Variants in CDH13 observed in about 807,000 individuals in gnomAD.
The protein encoded by CDH13 is cadherin-13.
A neutral mutation model predicts 63.8 loss-of-function variants in CDH13; 24 were observed. The ratio of observed to expected loss-of-function variants is 0.38; its 90% confidence interval spans 0.27 to 0.53. CDH13 has a LOEUF of 0.53. CDH13 is among the 20% of genes least tolerant of loss of function. The probability of loss-of-function intolerance (pLI) is 0.85; values close to 1 mark genes in which losing one functional copy is unlikely to be tolerated. For synonymous variants in CDH13, 503 were observed against 355.3 expected (o/e 1.42, Z -4.67); for missense variants, 1,049 against 903.1 (o/e 1.16, Z -2.07).
chr16:82,857,516 G>A (rs1336444741), intron 1 of CDH13, among the ~76,000 whole-genome samples: 1 of 152,162 alleles, frequency 6.6e-6, no homozygotes, highest in Non-Finnish European at 1.5e-5. Context: ...ACCTTGCCCA[G>A]GAGAGAATCG....
At chr16:83,675,960 G>T (rs1366310938) in intron 9 of CDH13, among the ~76,000 whole-genome samples, 1 of 152,182 alleles carries the variant, frequency 6.6e-6, no homozygotes, top group Non-Finnish European at 1.5e-5. Flanking sequence ...CTGACACTGT[G>T]CTAGGTGCTG....
intron 1 of CDH13, among the ~76,000 whole-genome samples, chr16:82,691,798 C>G (rs919868428): frequency 6.6e-6 from 1 of 152,070 alleles, no homozygotes; most frequent in Non-Finnish European, 1.5e-5. Flanking sequence ...TAAGGAGGCA[C>G]TGGTTCTTAA....
At chr16:83,129,946 A>G (rs902841642) in intron 4 of CDH13, among the ~76,000 whole-genome samples, 3 of 152,184 alleles carry the variant, frequency 2.0e-5, no homozygotes, top group Non-Finnish European at 4.4e-5. Flanking sequence ...TGGGCTTTTG[A>G]AACCCCCTGT....
intron 7 of CDH13, among the ~76,000 whole-genome samples, chr16:83,572,151 G>A (rs190830880): frequency 4.0e-4 from 59 of 148,066 alleles, no homozygotes; most frequent in East Asian, 1.4e-3. Flanking sequence ...TGATAACTAG[G>A]TATTTTTTAT....
intron 1 of CDH13, among the ~76,000 whole-genome samples, chr16:82,669,841 G>C (rs1383445058): frequency 6.6e-6 from 1 of 152,170 alleles, no homozygotes; most frequent in Non-Finnish European, 1.5e-5. Flanking sequence ...TCTCACTTTA[G>C]GGAGTTGACA....
intron 3 of CDH13, among the ~76,000 whole-genome samples, chr16:83,104,119 T>C (rs561058951): frequency 1.4e-4 from 22 of 152,310 alleles, no homozygotes; most frequent in African/African-American, 5.1e-4. Context: ...CATTGAATAT[T>C]TATAACACTC....
intron 3 of CDH13, among the ~76,000 whole-genome samples, chr16:83,069,182 A>G (rs1172982077): frequency 6.6e-6 from 1 of 152,244 alleles, no homozygotes; most frequent in African/African-American, 2.4e-5. Context: ...GTCAATGCGC[A>G]TTTTCCAATA....
At chr16:83,180,967 C>T (rs747225716) in intron 4 of CDH13, 1 of 1,531,676 alleles carries the variant, frequency 6.5e-7, no homozygotes, top group Non-Finnish European at 8.7e-7. Context: ...TAATGAACAT[C>T]CTATTTGGCG....
chr16:82,675,711 C>T (rs71402030), intron 1 of CDH13, among the ~76,000 whole-genome samples: 3 of 152,198 alleles, frequency 2.0e-5, no homozygotes, highest in Non-Finnish European at 4.4e-5. Context: ...GGGTTCCCTT[C>T]CTGCCTTTCC....
intron 1 of CDH13, among the ~76,000 whole-genome samples, chr16:82,638,385 C>A (rs185841736): frequency 1.6e-3 from 244 of 152,336 alleles, no homozygotes; most frequent in African/African-American, 5.5e-3. Flanking sequence ...AGATAATTGA[C>A]TTCATTTCCC....
chr16:82,892,527 G>A (rs960812137), intron 2 of CDH13, among the ~76,000 whole-genome samples: 4 of 152,050 alleles, frequency 2.6e-5, no homozygotes, highest in Non-Finnish European at 5.9e-5. Flanking sequence ...TCTGTGTAGA[G>A]TGAGTCATGT....
chr16:83,678,185 A>T, intron 9 of CDH13, 23 bp from the exon 10 acceptor site: 1 of 1,597,032 alleles, frequency 6.3e-7, no homozygotes, highest in Non-Finnish European at 8.6e-7. Context: ...GTGCATCCTG[A>T]GACCCTTCTG....
chr16:83,226,096 A>G (rs1244949208), intron 5 of CDH13, among the ~76,000 whole-genome samples: 1 of 152,194 alleles, frequency 6.6e-6, no homozygotes, highest in African/African-American at 2.4e-5. Context: ...TTGTGAAAAA[A>G]TAATTCGAGG....
chr16:82,924,822 T>C (rs1166161924), intron 2 of CDH13, among the ~76,000 whole-genome samples: 2 of 152,162 alleles, frequency 1.3e-5, no homozygotes, highest in African/African-American at 2.4e-5. Flanking sequence ...TCTAGAATTT[T>C]ATTAGGCACA....
chr16:83,376,752 G>C (rs1032103460), intron 6 of CDH13, among the ~76,000 whole-genome samples: 1 of 152,110 alleles, frequency 6.6e-6, no homozygotes, highest in East Asian at 1.9e-4. Context: ...AAATCTTTGA[G>C]CATCTTGTCC....
intron 1 of CDH13, among the ~76,000 whole-genome samples, chr16:82,643,960 T>G (rs188247412): frequency 1.3e-5 from 2 of 152,090 alleles, no homozygotes; most frequent in East Asian, 3.9e-4. Flanking sequence ...ATGTTGCCCA[T>G]GCTGGTCTCG....
chr16:82,790,991 A>G (rs899096118), intron 1 of CDH13, among the ~76,000 whole-genome samples: 2 of 152,124 alleles, frequency 1.3e-5, no homozygotes, highest in African/African-American at 4.8e-5. Flanking sequence ...TAATCCCAGC[A>G]CTTTGGGAGG....
At chr16:83,288,708 A>G (rs2089389099) in intron 5 of CDH13, among the ~76,000 whole-genome samples, 1 of 152,236 alleles carries the variant, frequency 6.6e-6, no homozygotes, top group Non-Finnish European at 1.5e-5. Context: ...AATATTGCAC[A>G]CACCCACAAA....
intron 4 of CDH13, among the ~76,000 whole-genome samples, chr16:83,191,462 T>TAG (rs768560727): frequency 0.13 from 14,037 of 105,376 alleles, 968 homozygotes; most frequent in African/African-American, 0.2. Flanking sequence ...ATAGGAAATA[T>TAG]ATATATATAT....
Sources: gnomAD v4.1 joint callset for allele counts (sites outside exome capture counted in the v4.1 genomes callset) on GRCh38, gnomAD v4.1.1 for gene constraint, MANE v1.5 for transcripts, NCBI Gene and HGNC (gene_info 2026-07-23, HGNC 2026-07-21) for gene names.